Variants in CDKAL1 observed in about 807,000 individuals in gnomAD.
CDKAL1 encodes CDKAL1 threonylcarbamoyladenosine tRNA methylthiotransferase, also known as threonylcarbamoyladenosine tRNA methylthiotransferase.
Under a neutral mutation model 68.2 loss-of-function variants are expected in CDKAL1, and 32 were observed. The observed-to-expected ratio is 0.47, with a 90% confidence interval of 0.35 to 0.63. The LOEUF (loss-of-function observed/expected upper bound fraction) is 0.63, where lower values mean the gene tolerates loss of function less well. Among genes scored for constraint, CDKAL1 ranks in the 30% least tolerant of loss-of-function variants. The pLI is 0.00. For synonymous variants in CDKAL1, 234 were observed against 244.3 expected (o/e 0.96, Z 0.39); for missense variants, 606 against 696.7 (o/e 0.87, Z 1.47).
At chr6:21,096,325 C>A (rs756505047) in intron 12 of CDKAL1, among the ~76,000 whole-genome samples, 2 of 151,990 alleles carry the variant, frequency 1.3e-5, no homozygotes, top group African/African-American at 4.8e-5. Flanking sequence ...CCCTTGGGTG[C>A]GATGTGGATT....
At chr6:20,904,290 C>T (rs769713440) in intron 9 of CDKAL1, among the ~76,000 whole-genome samples, 4 of 152,166 alleles carry the variant, frequency 2.6e-5, no homozygotes, top group Non-Finnish European at 4.4e-5. Flanking sequence ...AACCCCAACA[C>T]TTTGGGAGGC....
chr6:21,100,795 C>G (rs1169333671), intron 12 of CDKAL1, among the ~76,000 whole-genome samples: 1 of 151,756 alleles, frequency 6.6e-6, no homozygotes, highest in Non-Finnish European at 1.5e-5. Flanking sequence ...CTTTTTTTCC[C>G]TTCTTCTCAT....
chr6:20,667,306 A>T (rs1488934325), intron 5 of CDKAL1, among the ~76,000 whole-genome samples: 1 of 152,196 alleles, frequency 6.6e-6, no homozygotes, highest in Non-Finnish European at 1.5e-5. Context: ...TTAGGAGATG[A>T]CAGTTTAGCA....
At chr6:20,648,438 G>A (rs143609564) in intron 4 of CDKAL1, among the ~76,000 whole-genome samples, 3 of 148,748 alleles carry the variant, frequency 2.0e-5, no homozygotes, top group African/African-American at 7.5e-5. Flanking sequence ...GAATTTTTTG[G>A]CGTGTGTGCC....
At position 20,760,885 on chromosome 6, in the gene CDKAL1, A is replaced by G. The variant is rs188993696; in HGVS notation, c.517+2242A>G. 2.3e-3 allele frequency among the ~76,000 whole-genome samples: 348 copies of G among 152,364 alleles called. 2 individuals carry two copies. The highest frequency in any genetic ancestry group is 6.0e-3 in the Admixed American group (92 of 15,302). On this transcript the variant is annotated intron_variant, in intron 7 of 15. Transcript: ENST00000274695. ...AGATACGACATCAAAAGTATGATTT[A>G]TGAAAGAAATAATTGCCAAGTTGGA...
intron 13 of CDKAL1, among the ~76,000 whole-genome samples, chr6:21,189,629 G>T (rs764664823): frequency 6.6e-6 from 1 of 152,160 alleles, no homozygotes; most frequent in African/African-American, 2.4e-5. Flanking sequence ...TTTTGAATAC[G>T]ATGGACTTAA....
intron 9 of CDKAL1, among the ~76,000 whole-genome samples, chr6:20,918,132 G>A (rs1385727411): frequency 1.3e-5 from 2 of 152,216 alleles, no homozygotes; most frequent in Non-Finnish European, 2.9e-5. Context: ...AGGCGTAAGA[G>A]AGCTACCTAG....
intron 11 of CDKAL1, among the ~76,000 whole-genome samples, chr6:21,002,461 T>C (rs1192907037): frequency 6.6e-6 from 1 of 152,146 alleles, no homozygotes. Flanking sequence ...AGTATGAGTC[T>C]AGTCAGTTAG....
chr6:20,561,208 G>T (rs1017312642), intron 4 of CDKAL1, among the ~76,000 whole-genome samples: 2 of 151,976 alleles, frequency 1.3e-5, no homozygotes, highest in Middle Eastern at 3.2e-3. Flanking sequence ...TTGGGAGCCC[G>T]AGAGGGGCGG....
At chr6:20,889,971 C>T (rs1184373626) in intron 9 of CDKAL1, among the ~76,000 whole-genome samples, 1 of 152,048 alleles carries the variant, frequency 6.6e-6, no homozygotes, top group Admixed American at 6.6e-5. Flanking sequence ...CCAGGCTGGT[C>T]TCACACCCCT....
chr6:21,016,282 A>C (rs187725590), intron 11 of CDKAL1, among the ~76,000 whole-genome samples: 1 of 152,162 alleles, frequency 6.6e-6, no homozygotes, highest in East Asian at 1.9e-4. Context: ...AGTTAGGTAG[A>C]AGAATTGGAA....
chr6:21,000,702 G>A (rs557095389), intron 11 of CDKAL1, among the ~76,000 whole-genome samples: 7 of 152,300 alleles, frequency 4.6e-5, no homozygotes, highest in Admixed American at 4.6e-4. Flanking sequence ...CTCCTTTAAT[G>A]TGGCTTTTTG....
At chr6:21,168,721 A>G (rs1220333531) in intron 13 of CDKAL1, among the ~76,000 whole-genome samples, 2 of 152,236 alleles carry the variant, frequency 1.3e-5, no homozygotes, top group Non-Finnish European at 2.9e-5. Context: ...CCATACCCAC[A>G]TAAATAGCAG....
intron 9 of CDKAL1, among the ~76,000 whole-genome samples, chr6:20,889,835 C>T (rs149106819): frequency 3.7e-3 from 561 of 152,230 alleles, no homozygotes; most frequent in African/African-American, 0.013. Context: ...ATTGTCTTGG[C>T]AATGCGGGCT....
intron 13 of CDKAL1, among the ~76,000 whole-genome samples, chr6:21,175,798 A>C (rs1394149038): frequency 1.3e-5 from 2 of 152,256 alleles, no homozygotes; most frequent in East Asian, 3.8e-4. Flanking sequence ...AAGGTCTTCT[A>C]ATAAAGAAGG....
At chr6:20,964,860 A>G (rs1765226213) in intron 10 of CDKAL1, among the ~76,000 whole-genome samples, 2 of 152,182 alleles carry the variant, frequency 1.3e-5, no homozygotes, top group Non-Finnish European at 2.9e-5. Flanking sequence ...CCCTCTTGCC[A>G]TTGACCCAAA....
At chr6:21,144,621 C>CA (rs1319674004) in intron 13 of CDKAL1, among the ~76,000 whole-genome samples, 2 of 110,444 alleles carry the variant, frequency 1.8e-5, no homozygotes, top group Admixed American at 8.9e-5. Context: ...CCCATCTCTA[C>CA]AAAAAATACC....
At chr6:20,612,710 T>G (rs757083255) in intron 4 of CDKAL1, among the ~76,000 whole-genome samples, 3 of 152,180 alleles carry the variant, frequency 2.0e-5, no homozygotes, top group Non-Finnish European at 2.9e-5. Flanking sequence ...ACTTTGTTCC[T>G]GGTTTTCTTG....
chr6:21,111,598 T>C (rs757153522), intron 13 of CDKAL1, among the ~76,000 whole-genome samples: 3 of 152,188 alleles, frequency 2.0e-5, no homozygotes, highest in Non-Finnish European at 4.4e-5. Flanking sequence ...AAAGCCATTG[T>C]TTAGGTTGTA....
Sources: allele counts gnomAD v4.1 joint callset (sites outside exome capture counted in the v4.1 genomes callset), GRCh38; gene constraint gnomAD v4.1.1; transcripts MANE v1.5; gene names NCBI Gene and HGNC (gene_info 2026-07-23, HGNC 2026-07-21).